Variants in SORCS3 observed in about 807,000 individuals in gnomAD.
The protein encoded by SORCS3 is sortilin related VPS10 domain containing receptor 3.
A neutral mutation model predicts 146.3 loss-of-function variants in SORCS3; 57 were observed. The ratio of observed to expected loss-of-function variants is 0.39; its 90% confidence interval spans 0.31 to 0.49. The LOEUF (loss-of-function observed/expected upper bound fraction) is 0.49, where lower values mean the gene tolerates loss of function less well. Among genes scored for constraint, SORCS3 ranks in the 20% least tolerant of loss-of-function variants. The probability of loss-of-function intolerance (pLI) is 0.92; values close to 1 mark genes in which losing one functional copy is unlikely to be tolerated. For missense variants in SORCS3, 1,341 were observed against 1,575.5 expected (o/e 0.85, Z 2.52); for synonymous variants, 653 against 618.5 (o/e 1.06, Z -0.83).
chr10:104,966,051 T>C (rs72815683), intron 3 of SORCS3, among the ~76,000 whole-genome samples: 6,899 of 152,180 alleles, frequency 0.045, 233 homozygotes, highest in Admixed American at 0.097. Context: ...AACTGCAGCA[T>C]CATTGACATT....
At chr10:104,666,795 T>TG (rs1443365116) in intron 1 of SORCS3, among the ~76,000 whole-genome samples, 2 of 152,002 alleles carry the variant, frequency 1.3e-5, no homozygotes, top group African/African-American at 4.8e-5. Flanking sequence ...TTTATAGAGA[T>TG]GGGGTCTCAC....
At chr10:104,914,488 C>T (rs968875937) in intron 2 of SORCS3, among the ~76,000 whole-genome samples, 1 of 151,970 alleles carries the variant, frequency 6.6e-6, no homozygotes, top group African/African-American at 2.4e-5. Flanking sequence ...GTGGGGGTGA[C>T]TGTTAAGGGT....
intron 20 of SORCS3, among the ~76,000 whole-genome samples, chr10:105,232,792 G>C (rs1177290948): frequency 1.3e-5 from 2 of 151,924 alleles, no homozygotes; most frequent in East Asian, 1.9e-4. Context: ...ATGTTATTTA[G>C]ATGTGTCTTG....
intron 3 of SORCS3, among the ~76,000 whole-genome samples, chr10:104,944,263 T>C (rs1412801081): frequency 6.6e-6 from 1 of 152,182 alleles, no homozygotes; most frequent in Non-Finnish European, 1.5e-5. Context: ...ATAAAACTTT[T>C]CAAGAAAAGC....
At chr10:105,152,269 T>G (rs2056173155) in intron 9 of SORCS3, among the ~76,000 whole-genome samples, 1 of 152,184 alleles carries the variant, frequency 6.6e-6, no homozygotes, top group Admixed American at 6.5e-5. Context: ...ATACATAAGG[T>G]GAGCTACATA....
intron 1 of SORCS3, among the ~76,000 whole-genome samples, chr10:104,642,800 C>G (rs1252076554): frequency 6.6e-6 from 1 of 152,196 alleles, no homozygotes; most frequent in African/African-American, 2.4e-5. Flanking sequence ...CCTCTCCACC[C>G]GCTTTTCCCC....
intron 2 of SORCS3, among the ~76,000 whole-genome samples, chr10:104,912,172 C>T (rs771918688): frequency 1.3e-5 from 2 of 152,156 alleles, no homozygotes; most frequent in East Asian, 3.9e-4. Context: ...TTTTTAACAG[C>T]CTTCTAAAAG....
Position 104,641,579 on chromosome 10 carries a change from G to A in SORCS3, c.252G>A (p.Arg84=). Residue 84 remains arginine (R), a synonymous_variant, in exon 1 of 27, where the codon CGG becomes CGA. Coordinates refer to ENST00000369701, the MANE Select transcript of SORCS3 (RefSeq NM_014978.3). The surrounding 1 kb of genome is among the most constrained non-coding windows in gnomAD (Gnocchi z 6.4). ...SARRAAVLGR[R]AGPELLPQQG... is the part of the protein sequence containing the mutation. The stretch of plus-strand genomic sequence containing the variant: ...GGAGAGCCGCCGTGCTGGGGCGCCG[G>A]GCCGGACCAGAGCTGCTGCCCCAGC... The A allele has an allele frequency of 6.7e-7, 1 of 1,484,898 alleles. No homozygotes were observed. The highest frequency in any genetic ancestry group is 8.9e-7 in the Non-Finnish European group (1 of 1,127,258). The allele number at this position is 1,484,898 out of a possible 1,614,324, so 92.0% of individuals were successfully genotyped here.
At chr10:104,963,755 A>G (rs2054810937) in intron 3 of SORCS3, among the ~76,000 whole-genome samples, 1 of 152,156 alleles carries the variant, frequency 6.6e-6, no homozygotes, top group South Asian at 2.1e-4. Flanking sequence ...TTATTTTTAA[A>G]GCCCTGAACC....
chr10:104,756,081 T>C (rs2017046835), intron 1 of SORCS3, among the ~76,000 whole-genome samples: 1 of 152,152 alleles, frequency 6.6e-6, no homozygotes, highest in Non-Finnish European at 1.5e-5. Flanking sequence ...ATAAAATCAT[T>C]AAGTTATTAT....
intron 1 of SORCS3, among the ~76,000 whole-genome samples, chr10:104,763,644 C>T (rs1480259385): frequency 1.3e-5 from 2 of 152,204 alleles, no homozygotes; most frequent in African/African-American, 4.8e-5. Context: ...TTGTTACTTA[C>T]AAGCTAGATG....
chr10:104,850,068 T>C (rs1015201316), intron 2 of SORCS3, among the ~76,000 whole-genome samples: 3 of 152,226 alleles, frequency 2.0e-5, no homozygotes, highest in Non-Finnish European at 2.9e-5. Context: ...TCGGTCTTTA[T>C]TGGTTTCCTT....
At chr10:104,945,635 A>G (rs2019362780) in intron 3 of SORCS3, among the ~76,000 whole-genome samples, 1 of 151,320 alleles carries the variant, frequency 6.6e-6, no homozygotes, top group East Asian at 1.9e-4. Context: ...AAAGTTTATC[A>G]AGCTGTACCA....
intron 3 of SORCS3, among the ~76,000 whole-genome samples, chr10:104,957,851 C>T (rs1163510140): frequency 6.6e-6 from 1 of 152,132 alleles, no homozygotes; most frequent in Non-Finnish European, 1.5e-5. Context: ...TTGGTCCCCT[C>T]CTCTTCTGCG....
chr10:104,823,239 G>A (rs2017895694), intron 1 of SORCS3, among the ~76,000 whole-genome samples: 1 of 152,110 alleles, frequency 6.6e-6, no homozygotes, highest in Admixed American at 6.5e-5. Flanking sequence ...GGGGAAATAA[G>A]TTGGAAACCA....
intron 2 of SORCS3, among the ~76,000 whole-genome samples, chr10:104,861,505 G>A (rs2018400313): frequency 6.6e-6 from 1 of 152,152 alleles, no homozygotes; most frequent in Admixed American, 6.5e-5. Flanking sequence ...GGATTGCTCT[G>A]CCTTTTGCCC....
intron 3 of SORCS3, among the ~76,000 whole-genome samples, chr10:104,921,650 A>G (rs1469196057): frequency 1.3e-5 from 2 of 151,990 alleles, no homozygotes; most frequent in African/African-American, 4.8e-5. Context: ...TCTAAGTTTT[A>G]CTATTAATCT....
chr10:104,669,893 TG>T (rs1731555241), intron 1 of SORCS3, among the ~76,000 whole-genome samples: 1 of 148,888 alleles, frequency 6.7e-6, no homozygotes, highest in African/African-American at 2.5e-5. Context: ...CAACACTTTC[TG>T]TTTTTTTTTT....
intron 1 of SORCS3, among the ~76,000 whole-genome samples, chr10:104,651,543 A>AAC (rs1554841744): frequency 3.3e-4 from 49 of 146,870 alleles, no homozygotes; most frequent in Middle Eastern, 3.4e-3. Flanking sequence ...TAAAAAAAAA[A>AAC]AAAAAAAAAA....
Sources: allele counts gnomAD v4.1 joint callset (sites outside exome capture counted in the v4.1 genomes callset), GRCh38; gene constraint gnomAD v4.1.1; non-coding constraint Gnocchi (gnomAD v3.1); transcripts MANE v1.5; gene names NCBI Gene and HGNC (gene_info 2026-07-23, HGNC 2026-07-21).